The following AFF3 variants were observed in gnomAD, a reference collection of about 807,000 sequenced individuals.
The protein encoded by AFF3 is ALF transcription elongation factor 3, also known as AF4/FMR2 family member 3.
In AFF3, 32 loss-of-function variants were observed where a neutral mutation model predicts 129.7. That is an observed-to-expected ratio of 0.25 (90% CI 0.19 to 0.33). The LOEUF (loss-of-function observed/expected upper bound fraction) is 0.33. Ranked by LOEUF, AFF3 falls within the 10% of genes least tolerant of loss-of-function variation. The pLI is 1.00. For missense variants in AFF3, 1,373 were observed against 1,592.0 expected (o/e 0.86, Z 2.34); for synonymous variants, 644 against 635.4 (o/e 1.01, Z -0.20).
At chr2:100,042,979 A>T (rs1190981201) in intron 4 of AFF3, among the ~76,000 whole-genome samples, 1 of 152,196 alleles carries the variant, frequency 6.6e-6, no homozygotes, top group African/African-American at 2.4e-5. Flanking sequence ...ATGAAACTTA[A>T]ATAGTAGAAA....
At chr2:99,957,923 A>G (rs1233215523) in intron 7 of AFF3, among the ~76,000 whole-genome samples, 1 of 152,114 alleles carries the variant, frequency 6.6e-6, no homozygotes, top group Non-Finnish European at 1.5e-5. Flanking sequence ...CGCTTTTTAG[A>G]TGCTTGAAGA....
Position 99,744,093 on chromosome 2 carries a change from GTCTT to G in AFF3, c.1039+7_1039+10del. 1 of 1,598,832 alleles carries G rather than the reference GTCTT, an allele frequency of 6.3e-7. No homozygotes were observed. Among genetic ancestry groups the G allele is most frequent in the Non-Finnish European group, 8.5e-7 (1 of 1,171,546 alleles). Reference sequence around the variant, plus strand: ...TCCCCAGATGAAACTCCAGAGCGAAGTCTTTCTTACTTGGATTATTGTGTCCAGA... The same window carrying G: ...TCCCCAGATGAAACTCCAGAGCGAAGTCTTACTTGGATTATTGTGTCCAGA... On this transcript the variant is annotated splice_region_variant and intron_variant, in intron 10 of 24. Coordinates refer to ENST00000672756, the MANE Select transcript of AFF3 (RefSeq NM_001386135.1).
chr2:99,752,261 G>A lies in AFF3; in HGVS notation c.962C>T (p.Pro321Leu), dbSNP rs199825738. The stretch of plus-strand genomic sequence containing the variant: ...AAATTTGGTTGGTTCCACTTTGCCA[G>A]GTGCTTGAATAGCAGAAAGTGGTGG... ...WLPPLSAIQA[P>L]GKVEPTKFPF... The change falls in exon 9 of 25, where the codon CCT (proline) becomes CTT (leucine). Residue 321 changes from proline to leucine, a missense_variant. By Grantham distance (98) the Pro-to-Leu change is moderately conservative. Transcript: ENST00000672756. 12 of 1,614,038 alleles carry A rather than the reference G, an allele frequency of 7.4e-6. No individual in the cohort carries two copies. Among genetic ancestry groups the A allele is most frequent in the Non-Finnish European group, 1.0e-5 (12 of 1,179,932 alleles).
chr2:99,616,698 G>A (rs1456863800), intron 13 of AFF3, among the ~76,000 whole-genome samples: 1 of 152,142 alleles, frequency 6.6e-6, no homozygotes, highest in South Asian at 2.1e-4. Flanking sequence ...GGAGGTTGCA[G>A]TGAGCCGAGA....
chr2:99,823,928 G>A lies in AFF3; in HGVS notation c.921+13549C>T, dbSNP rs559007307. Among the ~76,000 whole-genome samples, 7 of 152,124 alleles carry A rather than the reference G, an allele frequency of 4.6e-5. No individual in the cohort carries two copies. The South Asian group carries it at 1.0e-3, about 23-fold the overall frequency. On this transcript the variant is annotated intron_variant, in intron 8 of 24. Transcript: ENST00000672756. ...TACACAGAGACATCAGGATGGGAGC[G>A]ATAGACACCGGGGACTACCAAACGG... is the stretch of plus-strand genomic sequence containing the variant.
intron 13 of AFF3, among the ~76,000 whole-genome samples, chr2:99,619,850 C>T (rs1368707541): frequency 6.6e-6 from 1 of 152,222 alleles, no homozygotes; most frequent in Non-Finnish European, 1.5e-5. Context: ...TGTCACCACA[C>T]GCCCATGACT....
chr2:100,115,865 A>G (rs1474478418), intron 2 of AFF3, among the ~76,000 whole-genome samples: 1 of 152,218 alleles, frequency 6.6e-6, no homozygotes, highest in Non-Finnish European at 1.5e-5. Flanking sequence ...TTAAAATGAC[A>G]GATAAACAGT....
chr2:99,969,749 C>T lies in AFF3; in HGVS notation c.873+36883G>A, dbSNP rs150217872. Among the ~76,000 whole-genome samples, 547 of 152,186 alleles carry T rather than the reference C, an allele frequency of 3.6e-3. 8 individuals carry two copies. The highest frequency in any genetic ancestry group is 0.012 in the African/African-American group (509 of 41,508). The stretch of plus-strand genomic sequence containing the variant: ...ACCTCCTGACCTCAGGTGATCCACC[C>T]GCCTTGGCCTCCTGAAGTGCTGGGA... On this transcript the variant is annotated intron_variant, in intron 7 of 24. Transcript: ENST00000672756.
At chr2:99,723,835 C>T (rs1679116142) in intron 11 of AFF3, among the ~76,000 whole-genome samples, 1 of 152,114 alleles carries the variant, frequency 6.6e-6, no homozygotes, top group Non-Finnish European at 1.5e-5. Flanking sequence ...TTAGGGTGGG[C>T]CCTAATCCAA....
intron 8 of AFF3, among the ~76,000 whole-genome samples, chr2:99,775,626 A>G (rs1215043864): frequency 1.3e-5 from 2 of 152,052 alleles, no homozygotes; most frequent in Non-Finnish European, 2.9e-5. Context: ...CCACCATGGC[A>G]CACATTTAAC....
intron 7 of AFF3, among the ~76,000 whole-genome samples, chr2:99,854,486 T>A (rs184394032): frequency 4.5e-4 from 68 of 152,206 alleles, no homozygotes; most frequent in African/African-American, 1.6e-3. Flanking sequence ...ACAAAGCAAA[T>A]AAACAACGTG....
At chr2:99,572,292 CA>C (rs1251086138) in intron 18 of AFF3, among the ~76,000 whole-genome samples, 867 of 83,140 alleles carry the variant, frequency 0.01, 10 homozygotes, top group African/African-American at 0.031. Context: ...CCCCTCCCAC[CA>C]CCCCCCCCCC....
chr2:99,624,541 C>G (rs1274334575), intron 13 of AFF3, among the ~76,000 whole-genome samples: 2 of 152,036 alleles, frequency 1.3e-5, no homozygotes, highest in Non-Finnish European at 2.9e-5. Context: ...AAAGTGTCAC[C>G]CACACGCAGC....
At chr2:100,050,384 T>C (rs1329825476) in intron 4 of AFF3, among the ~76,000 whole-genome samples, 2 of 152,050 alleles carry the variant, frequency 1.3e-5, no homozygotes, top group Admixed American at 6.5e-5. Context: ...AGTGGCACGA[T>C]CATAGCTCAC....
rs377634497 is a variant in AFF3 at position 99,722,591 on chromosome 2, T to A, written c.1091+4486A>T. On this transcript the variant is annotated intron_variant, in intron 11 of 24. Coordinates refer to ENST00000672756, the MANE Select transcript of AFF3 (RefSeq NM_001386135.1). ...CCTCTAACTTGGGTGGGATTCAGAT[T>A]CTGAACTTTGTAGGCAGTAGCTGTA... 6.6e-5 allele frequency among the ~76,000 whole-genome samples: 10 copies of A among 152,290 alleles called. No homozygotes were observed. In the East Asian group the frequency reaches 1.7e-3, roughly 26 times the overall value.
chr2:99,568,241 T>A (rs1189676584), intron 19 of AFF3, among the ~76,000 whole-genome samples: 18 of 152,230 alleles, frequency 1.2e-4, no homozygotes, highest in Non-Finnish European at 2.4e-4. Flanking sequence ...TTCATTCATT[T>A]AAGATGGAAC....
intron 1 of AFF3, among the ~76,000 whole-genome samples, chr2:100,131,254 T>C (rs1692417745): frequency 6.6e-6 from 1 of 152,164 alleles, no homozygotes. Flanking sequence ...TTAGTATTAA[T>C]GATATGATGT....
intron 4 of AFF3, among the ~76,000 whole-genome samples, chr2:100,026,708 T>A (rs1379785611): frequency 8.2e-6 from 1 of 122,698 alleles, no homozygotes; most frequent in African/African-American, 3.2e-5. Flanking sequence ...TAAATAAATA[T>A]ATATATAAAT....
At chr2:99,694,752 G>A (rs569339890) in intron 11 of AFF3, among the ~76,000 whole-genome samples, 1 of 152,248 alleles carries the variant, frequency 6.6e-6, no homozygotes, top group African/African-American at 2.4e-5. Flanking sequence ...TGTCACTCAG[G>A]CTGGAGTACA....
Sources: gnomAD v4.1 joint callset for allele counts (sites outside exome capture counted in the v4.1 genomes callset) on GRCh38, gnomAD v4.1.1 for gene constraint, MANE v1.5 for transcripts, NCBI Gene and HGNC (gene_info 2026-07-23, HGNC 2026-07-21) for gene names.